The following SNTG1 variants were observed in gnomAD, a reference collection of about 807,000 sequenced individuals.
SNTG1 encodes the protein gamma-1-syntrophin.
SNTG1 carries 39 observed loss-of-function variants against 74.7 expected under a neutral mutation model. The ratio of observed to expected loss-of-function variants is 0.52; its 90% confidence interval spans 0.40 to 0.68. The LOEUF (loss-of-function observed/expected upper bound fraction) is 0.68. Ranked by LOEUF, SNTG1 falls within the 30% of genes least tolerant of loss-of-function variation. The pLI is 0.00. For synonymous variants in SNTG1, 254 were observed against 217.1 expected (o/e 1.17, Z -1.49); for missense variants, 685 against 609.5 (o/e 1.12, Z -1.30).
chr8:50,103,174 G>A (rs1022396902), intron 1 of SNTG1, among the ~76,000 whole-genome samples: 44 of 152,258 alleles, frequency 2.9e-4, no homozygotes, highest in African/African-American at 1.1e-3. Flanking sequence ...TCACGATATT[G>A]ATTCTTCCTA....
At chr8:50,703,819 C>T (rs1194083742) in intron 15 of SNTG1, among the ~76,000 whole-genome samples, 2 of 152,078 alleles carry the variant, frequency 1.3e-5, no homozygotes, top group African/African-American at 2.4e-5. Context: ...TTTCAGCTCC[C>T]TTATAACCTT....
intron 2 of SNTG1, among the ~76,000 whole-genome samples, chr8:50,208,489 A>G (rs2084353171): frequency 2.0e-5 from 3 of 152,130 alleles, no homozygotes; most frequent in African/African-American, 7.2e-5. Context: ...AATACAGCAC[A>G]CTGACGGGTC....
chr8:50,104,345 G>A (rs187570926), intron 1 of SNTG1, among the ~76,000 whole-genome samples: 1 of 152,188 alleles, frequency 6.6e-6, no homozygotes, highest in South Asian at 2.1e-4. Context: ...TAGTTTATTT[G>A]CATAGAGGTG....
rs2095698262 is a variant in SNTG1 at position 50,793,921 on chromosome 8, G to A, written c.*1092G>A. 1 of 151,878 alleles carries A rather than the reference G, an allele frequency of 6.6e-6. No homozygotes were observed. The highest frequency in any genetic ancestry group is 1.5e-5 in the Non-Finnish European group (1 of 67,866). 9.4% of individuals were successfully genotyped at this position (151,878 alleles called of 1,614,324 possible). On this transcript the variant is annotated 3_prime_UTR_variant, in exon 19 of 19. Coordinates refer to ENST00000642720, the MANE Select transcript of SNTG1 (RefSeq NM_018967.5). ...CTCCCTTGTCATGGAAAGTGATTAA[G>A]TAATGCCAACTATGCAGGTTGTTTT...
At chr8:50,665,901 TATAAA>T (rs2095248689) in intron 15 of SNTG1, among the ~76,000 whole-genome samples, 1 of 152,108 alleles carries the variant, frequency 6.6e-6, no homozygotes, top group South Asian at 2.1e-4. Context: ...TTACTGTAAT[TATAAA>T]AGAATAAAGG....
At chr8:50,409,462 A>G (rs1021818987) in intron 4 of SNTG1, among the ~76,000 whole-genome samples, 1 of 152,242 alleles carries the variant, frequency 6.6e-6, no homozygotes, top group African/African-American at 2.4e-5. Flanking sequence ...TCATTTAAAA[A>G]TAGTATCAAA....
intron 13 of SNTG1, among the ~76,000 whole-genome samples, chr8:50,641,688 T>A (rs1420957565): frequency 6.6e-6 from 1 of 152,210 alleles, no homozygotes; most frequent in African/African-American, 2.4e-5. Context: ...AATCAAATAG[T>A]CAATTATCGG....
intron 1 of SNTG1, among the ~76,000 whole-genome samples, chr8:50,017,808 A>G (rs1396959701): frequency 6.6e-6 from 1 of 152,028 alleles, no homozygotes; most frequent in Non-Finnish European, 1.5e-5. Context: ...AGAGAACTAA[A>G]CAATTTATTT....
chr8:50,707,895 G>A (rs1353435696), intron 16 of SNTG1: 6 of 392,798 alleles, frequency 1.5e-5, no homozygotes, highest in African/African-American at 1.2e-4. Flanking sequence ...TTATATTTCA[G>A]TATCCGTATT....
chr8:50,386,842 C>T (rs1415103921), intron 2 of SNTG1, among the ~76,000 whole-genome samples: 1 of 152,088 alleles, frequency 6.6e-6, no homozygotes, highest in African/African-American at 2.4e-5. Context: ...TCCACCGGGC[C>T]CACCTTCCAC....
intron 4 of SNTG1, among the ~76,000 whole-genome samples, chr8:50,429,643 T>C (rs1412127295): frequency 1.3e-5 from 2 of 152,080 alleles, no homozygotes; most frequent in African/African-American, 2.4e-5. Context: ...AAATGGCACA[T>C]CATAAAAATT....
At chr8:50,200,647 G>A (rs993787653) in intron 2 of SNTG1, among the ~76,000 whole-genome samples, 1 of 152,104 alleles carries the variant, frequency 6.6e-6, no homozygotes, top group Non-Finnish European at 1.5e-5. Context: ...AAGCACAAGA[G>A]GAGCAAGGAT....
rs1408387616 is a variant in SNTG1, at chr8:50,795,788, T to G, written c.*2959T>G. ...TATTACAGAAAGGGCATTTATAATT[T>G]GTTAAAATGCAACAAGTATTTATTT... On this transcript the variant is annotated 3_prime_UTR_variant, in exon 19 of 19. Transcript: ENST00000642720. The G allele has an allele frequency of 6.6e-6, 1 of 152,122 alleles. No homozygotes were observed. The highest frequency in any genetic ancestry group is 6.6e-5 in the Admixed American group (1 of 15,230). 9.4% of individuals were successfully genotyped at this position (152,122 alleles called of 1,614,324 possible).
chr8:50,645,908 G>A (rs1411303889), intron 13 of SNTG1, among the ~76,000 whole-genome samples: 2 of 152,028 alleles, frequency 1.3e-5, no homozygotes, highest in African/African-American at 2.4e-5. Flanking sequence ...AAAGTGTCTC[G>A]GAGGGGATGC....
intron 1 of SNTG1, among the ~76,000 whole-genome samples, chr8:50,023,402 G>C (rs750702762): frequency 1.3e-5 from 2 of 152,122 alleles, no homozygotes; most frequent in Non-Finnish European, 2.9e-5. Flanking sequence ...AAGAAGGGCA[G>C]ATTTATAAAT....
chr8:50,078,848 T>C (rs1822141987), intron 1 of SNTG1, among the ~76,000 whole-genome samples: 1 of 152,220 alleles, frequency 6.6e-6, no homozygotes, highest in Non-Finnish European at 1.5e-5. Context: ...TTGCTAAGGA[T>C]GATGGTTTCC....
At chr8:50,719,096 G>A (rs574780049) in intron 17 of SNTG1, among the ~76,000 whole-genome samples, 3 of 152,274 alleles carry the variant, frequency 2.0e-5, no homozygotes, top group African/African-American at 7.2e-5. Context: ...CAAATTATTA[G>A]TGTGATTGAA....
intron 13 of SNTG1, among the ~76,000 whole-genome samples, chr8:50,603,294 ACT>A (rs2094788670): frequency 6.6e-6 from 1 of 151,962 alleles, no homozygotes; most frequent in Admixed American, 6.6e-5. Flanking sequence ...CTATTAAGAC[ACT>A]CTGATGCATT....
chr8:50,020,306 T>C (rs1263305543), intron 1 of SNTG1, among the ~76,000 whole-genome samples: 2 of 152,114 alleles, frequency 1.3e-5, no homozygotes, highest in Non-Finnish European at 2.9e-5. Context: ...TTTCTTGGGA[T>C]TGGTTTTGAC....
Sources: gnomAD v4.1 joint callset for allele counts (sites outside exome capture counted in the v4.1 genomes callset) on GRCh38, gnomAD v4.1.1 for gene constraint, MANE v1.5 for transcripts, NCBI Gene and HGNC (gene_info 2026-07-23, HGNC 2026-07-21) for gene names.